SC5D: variants seen among roughly 807,000 people sequenced by gnomAD.
SC5D encodes the protein sterol-C5-desaturase, also known as lathosterol oxidase.
Under a neutral mutation model 23.9 loss-of-function variants are expected in SC5D, and 21 were observed. The observed-to-expected ratio is 0.88, with a 90% CI of 0.62 to 1.26. The LOEUF is 1.26. SC5D is among the 50% of genes most tolerant of loss of function. SC5D has a pLI of 0.00. For missense variants in SC5D, 309 were observed against 364.8 expected, an observed-to-expected ratio of 0.85 and a Z score of 1.25; for synonymous variants, 113 against 125.9, an observed-to-expected ratio of 0.90 and a Z score of 0.68.
At chr11:121,293,892 A>G (rs1248304095) in intron 1 of SC5D, among the ~76,000 whole-genome samples, 1 of 152,178 alleles carries the variant, frequency 6.6e-6, no homozygotes, top group African/African-American at 2.4e-5. Flanking sequence ...TGGAATGTAC[A>G]TCCCAGCTGG....
chr11:121,294,274 T>C (rs1947874015), intron 1 of SC5D, among the ~76,000 whole-genome samples: 2 of 152,198 alleles, frequency 1.3e-5, no homozygotes, highest in Admixed American at 1.3e-4. Context: ...CTTAAAATTA[T>C]ATGAGCTTGT....
Position 121,310,884 on chromosome 11 carries a change from A to G in SC5D, c.*3372A>G, listed in dbSNP as rs1000067050. ...TGACTTCCCAGCCTCCAGAGCTGTAAGAAAATAAATTTCTATTATTTATAG... is the reference window on the plus strand; with the variant it reads ...TGACTTCCCAGCCTCCAGAGCTGTAGGAAAATAAATTTCTATTATTTATAG... On this transcript the variant is annotated 3_prime_UTR_variant, in exon 5 of 5. Coordinates refer to ENST00000264027, the MANE Select transcript of SC5D (RefSeq NM_006918.5). Among the ~76,000 whole-genome samples the G allele has an allele frequency of 2.0e-5, 3 of 152,230 alleles. No homozygotes were observed. The highest frequency in any genetic ancestry group is 7.2e-5 in the African/African-American group (3 of 41,450).
chr11:121,299,790 A>G (rs1410186070), intron 1 of SC5D, among the ~76,000 whole-genome samples: 3 of 152,188 alleles, frequency 2.0e-5, no homozygotes, highest in African/African-American at 7.2e-5. Context: ...GCTCCTCAGG[A>G]GGCTGAGTCA....
rs1947994202 is a variant in SC5D, at chr11:121,309,575, T to C, written c.*2063T>C. On this transcript the variant is annotated 3_prime_UTR_variant, in exon 5 of 5. Coordinates refer to ENST00000264027, the MANE Select transcript of SC5D (RefSeq NM_006918.5). ...GTGTCTTTAATTCTTAACTCCAATA[T>C]GAATGTTTAAAGCTTCCTCTAGATT... 6.6e-6 allele frequency among the ~76,000 whole-genome samples: 1 copy of C among 152,224 alleles called. No individual in the cohort carries two copies. Among genetic ancestry groups the C allele is most frequent in the Admixed American group, 6.5e-5 (1 of 15,280 alleles).
chr11:121,302,360 A>G (rs749942859), intron 1 of SC5D, among the ~76,000 whole-genome samples: 1 of 152,218 alleles, frequency 6.6e-6, no homozygotes, highest in Non-Finnish European at 1.5e-5. Context: ...TGTGCGAACA[A>G]TGCAATGAGG....
In SC5D at chr11:121,303,423, C is replaced by T. The variant is rs747132771; in HGVS notation, c.48C>T (p.Tyr16=). 10 of 1,613,774 alleles carry T rather than the reference C, an allele frequency of 6.2e-6. No homozygotes were observed. Among genetic ancestry groups the T allele is most frequent in the African/African-American group, 2.7e-5 (2 of 74,836 alleles). ...RVADYYFFTP[Y]VYPATWPEDD... ...CAGATTACTATTTTTTTACACCATACGTGTATCCAGCCACATGGCCAGAAG... is the reference window on the plus strand; with the variant it reads ...CAGATTACTATTTTTTTACACCATATGTGTATCCAGCCACATGGCCAGAAG... The change falls in exon 2 of 5, where the codon TAC becomes TAT. Residue 16 remains tyrosine (Y), a synonymous_variant. Coordinates refer to ENST00000264027, the MANE Select transcript of SC5D (RefSeq NM_006918.5).
rs1010701046 is a variant in SC5D at position 121,307,574 on chromosome 11, T to G, written c.*62T>G. On this transcript the variant is annotated 3_prime_UTR_variant, in exon 5 of 5. Coordinates refer to ENST00000264027, the MANE Select transcript of SC5D (RefSeq NM_006918.5). ...GGAAATATCATCGTATTTCTTTTTT[T>G]TAATAAGGAAAAAATAATATCCATA... The G allele has an allele frequency of 8.6e-7, 1 of 1,168,862 alleles. No individual in the cohort carries two copies. Among genetic ancestry groups the G allele is most frequent in the East Asian group, 2.5e-5 (1 of 40,088 alleles). The allele number at this position is 1,168,862 out of a possible 1,614,324, so 72.4% of individuals were successfully genotyped here.
At chr11:121,304,664 T>C in intron 3 of SC5D, 171 bp downstream of exon 3, 1 of 609,948 alleles carries the variant, frequency 1.6e-6, no homozygotes, top group Non-Finnish European at 2.8e-6. Flanking sequence ...TGTGCATTTC[T>C]TTAGTTTTTC....
chr11:121,305,963 C>A, intron 3 of SC5D: 1 of 215,472 alleles, frequency 4.6e-6, no homozygotes, highest in Non-Finnish European at 9.3e-6. Flanking sequence ...TGGAAAGATC[C>A]GAAAGGGGTG....
chr11:121,293,601 A>G (rs1402634485), intron 1 of SC5D, among the ~76,000 whole-genome samples: 2 of 152,236 alleles, frequency 1.3e-5, no homozygotes, highest in Non-Finnish European at 2.9e-5. Flanking sequence ...TGAAGAAAAC[A>G]AGACCTCAGT....
At chr11:121,295,868 A>T (rs1432536180) in intron 1 of SC5D, among the ~76,000 whole-genome samples, 1 of 151,976 alleles carries the variant, frequency 6.6e-6, no homozygotes. Flanking sequence ...TTCACTTCCC[A>T]GCAAACGTGG....
rs748537816 is a variant in SC5D at position 121,309,154 on chromosome 11, G to A, written c.*1642G>A. ...TTCTCTCTCATATGATGTCCCATGT[G>A]GATGTTTGTGGTCAGTGGACAGCTT... On this transcript the variant is annotated 3_prime_UTR_variant, in exon 5 of 5. Coordinates refer to ENST00000264027, the MANE Select transcript of SC5D (RefSeq NM_006918.5). 4.6e-5 allele frequency among the ~76,000 whole-genome samples: 7 copies of A among 152,184 alleles called. No homozygotes were observed. The highest frequency in any genetic ancestry group is 7.2e-5 in the African/African-American group (3 of 41,444).
Position 121,295,718 on chromosome 11 carries a change from A to G in SC5D, c.-11+2902A>G, listed in dbSNP as rs183738982. Among the ~76,000 whole-genome samples, 19 of 152,252 alleles carry G rather than the reference A, an allele frequency of 1.2e-4. No homozygotes were observed. In the East Asian group the frequency reaches 3.7e-3, roughly 29 times the overall value. ...GTCCCAAGATTTATTTTCTGTTCAC[A>G]CCATCATTCCTTACCCACCCCCTAT... On this transcript the variant is annotated intron_variant, in intron 1 of 4. Transcript: ENST00000264027.
intron 1 of SC5D, among the ~76,000 whole-genome samples, chr11:121,299,981 A>G (rs1947914832): frequency 6.6e-6 from 1 of 152,238 alleles, no homozygotes; most frequent in Non-Finnish European, 1.5e-5. Flanking sequence ...ACCTTTGCAA[A>G]ATGTATTTAT....
chr11:121,303,639 A>C (rs756234675), intron 2 of SC5D, 54 bp downstream of exon 2: 1 of 1,405,916 alleles, frequency 7.1e-7, no homozygotes, highest in African/African-American at 1.4e-5. Context: ...TAACAATATG[A>C]TATATTTCTG....
chr11:121,300,554 C>G (rs879795594), intron 1 of SC5D, among the ~76,000 whole-genome samples: 1 of 152,182 alleles, frequency 6.6e-6, no homozygotes, highest in Non-Finnish European at 1.5e-5. Context: ...CATAACAGGT[C>G]TTAGAGGCAC....
In SC5D at chr11:121,310,828, A is replaced by G. The variant is rs1208976764; in HGVS notation, c.*3316A>G. 6.6e-6 allele frequency among the ~76,000 whole-genome samples: 1 copy of G among 152,170 alleles called. No homozygotes were observed. Among genetic ancestry groups the G allele is most frequent in the Non-Finnish European group, 1.5e-5 (1 of 68,022 alleles). On this transcript the variant is annotated 3_prime_UTR_variant, in exon 5 of 5. Transcript: ENST00000264027. The stretch of plus-strand genomic sequence containing the variant: ...TCTTGAAAGCAGCAACTGGGGACTC[A>G]GCAGACACCAAACCAACTGGTGCTT...
Position 121,304,447 on chromosome 11 carries a change from A to C in SC5D, c.297A>C (p.Ile99=), listed in dbSNP as rs748818735. The part of the protein sequence containing the change: ...ILTVALFLLE[I]RGYSKLHDDL... ...CTGTTGCACTGTTCTTGCTGGAGAT[A>C]AGAGGTTACAGCAAATTACATGATG... Residue 99 remains isoleucine, a synonymous_variant, in exon 3 of 5, where the codon ATA becomes ATC. Coordinates refer to ENST00000264027, the MANE Select transcript of SC5D (RefSeq NM_006918.5). 6.2e-7 allele frequency: 1 copy of C among 1,612,522 alleles called. No individual in the cohort carries two copies. The highest frequency in any genetic ancestry group is 8.5e-7 in the Non-Finnish European group (1 of 1,178,718).
rs1034890398 is a variant in SC5D at position 121,308,061 on chromosome 11, A to C, written c.*549A>C. On this transcript the variant is annotated 3_prime_UTR_variant, in exon 5 of 5. Coordinates refer to ENST00000264027, the MANE Select transcript of SC5D (RefSeq NM_006918.5). ...ATTCTGATACATTAGCAGCTATGTAAATGACCTAATTGATAGCAGGTGTAA... is the reference window on the plus strand; with the variant it reads ...ATTCTGATACATTAGCAGCTATGTACATGACCTAATTGATAGCAGGTGTAA... The C allele has an allele frequency of 6.5e-6, 1 of 153,358 alleles. No homozygotes were observed. The highest frequency in any genetic ancestry group is 2.4e-5 in the African/African-American group (1 of 41,468). 9.5% of individuals were successfully genotyped at this position (153,358 alleles called of 1,614,324 possible).
Sources: gnomAD v4.1 joint callset for allele counts (sites outside exome capture counted in the v4.1 genomes callset) on GRCh38, gnomAD v4.1.1 for gene constraint, MANE v1.5 for transcripts, NCBI Gene and HGNC (gene_info 2026-07-23, HGNC 2026-07-21) for gene names.